The following PEAK1 variants were observed in gnomAD, a reference collection of about 807,000 sequenced individuals.
PEAK1 encodes the protein pseudopodium enriched atypical kinase 1, also known as inactive tyrosine-protein kinase PEAK1.
PEAK1 carries 54 observed loss-of-function variants against 124.7 expected under a neutral mutation model. The observed-to-expected ratio is 0.43, with a 90% CI of 0.35 to 0.54. The LOEUF is 0.54. Among genes scored for constraint, PEAK1 ranks in the 20% least tolerant of loss-of-function variants. PEAK1 has a pLI of 0.01. For missense variants in PEAK1, 2,046 were observed against 2,134.5 expected (o/e 0.96, Z 0.82); for synonymous variants, 719 against 760.0 (o/e 0.95, Z 0.89).
At chr15:77,399,639 T>C (rs1205499286) in intron 1 of PEAK1, among the ~76,000 whole-genome samples, 1 of 152,124 alleles carries the variant, frequency 6.6e-6, no homozygotes, top group Non-Finnish European at 1.5e-5. Flanking sequence ...GACCCCTATC[T>C]CTCACCATAC....
intron 2 of PEAK1, chr15:77,351,024 C>CA: frequency 3.4e-6 from 3 of 871,978 alleles, no homozygotes; most frequent in Non-Finnish European, 4.1e-6. Flanking sequence ...AGAGAAATAC[C>CA]ATGCTGAATC....
At chr15:77,218,741 C>T (rs563423391) in intron 6 of PEAK1, among the ~76,000 whole-genome samples, 5 of 152,030 alleles carry the variant, frequency 3.3e-5, no homozygotes, top group Non-Finnish European at 7.4e-5. Context: ...CACCACTGCA[C>T]TCAGGTATAT....
At chr15:77,325,357 T>C (rs2065500333) in intron 2 of PEAK1, among the ~76,000 whole-genome samples, 1 of 151,936 alleles carries the variant, frequency 6.6e-6, no homozygotes, top group Non-Finnish European at 1.5e-5. Context: ...ACAGTGAGCT[T>C]TGATCGTGCC....
intron 2 of PEAK1, chr15:77,350,096 T>C: frequency 1.0e-6 from 1 of 985,452 alleles, no homozygotes; most frequent in Non-Finnish European, 1.2e-6. Context: ...AATAAGAGCA[T>C]ACCCCCAAAT....
At chr15:77,255,293 T>C in intron 5 of PEAK1, 3 of 794,986 alleles carry the variant, frequency 3.8e-6, no homozygotes, top group Non-Finnish European at 4.6e-6. Context: ...ATAACAATTA[T>C]TTAAAATTGT....
At chr15:77,415,782 T>C (rs1295148229) in intron 1 of PEAK1, among the ~76,000 whole-genome samples, 3 of 152,148 alleles carry the variant, frequency 2.0e-5, no homozygotes, top group Admixed American at 6.5e-5. Flanking sequence ...TCCCATTCCT[T>C]ATTACCTTCA....
At chr15:77,163,766 A>C (rs2055864194) in intron 7 of PEAK1, among the ~76,000 whole-genome samples, 1 of 152,158 alleles carries the variant, frequency 6.6e-6, no homozygotes, top group African/African-American at 2.4e-5. Context: ...CTTGGGACAA[A>C]TGTTATTCTG....
In PEAK1 at chr15:77,114,104, T is replaced by C. The variant is rs2051141608; in HGVS notation, c.*52A>G. ...GTGAGCACTAGGGAGGGGAAGTGCA[T>C]GGGTGACATGAAGAAGGTGAAGATG... On this transcript the variant is annotated 3_prime_UTR_variant, in exon 10 of 10. Transcript: ENST00000682557. 6.4e-7 allele frequency: 1 copy of C among 1,566,758 alleles called. No individual in the cohort carries two copies.
At chr15:77,370,656 A>C (rs1208200757) in intron 1 of PEAK1, 3 of 972,454 alleles carry the variant, frequency 3.1e-6, no homozygotes, top group Non-Finnish European at 3.7e-6. Flanking sequence ...CACAGATTTA[A>C]TGTGCTGATC....
At chr15:77,340,446 C>T (rs571395620) in intron 2 of PEAK1, among the ~76,000 whole-genome samples, 1 of 152,172 alleles carries the variant, frequency 6.6e-6, no homozygotes, top group East Asian at 1.9e-4. Flanking sequence ...TGAGTAATTG[C>T]CAAGGGTTCA....
At chr15:77,355,630 C>T in intron 2 of PEAK1, 1 of 374,216 alleles carries the variant, frequency 2.7e-6, no homozygotes. Flanking sequence ...CCAGCTCACA[C>T]CTCTATATGG....
At chr15:77,298,341 CCCGAGTAGCTGGGA>C (rs1464828747) in intron 2 of PEAK1, among the ~76,000 whole-genome samples, 1 of 149,304 alleles carries the variant, frequency 6.7e-6, no homozygotes, top group Non-Finnish European at 1.5e-5. Context: ...GCCTCAGCCT[CCCGAGTAGCTGGGA>C]CTACAGGCGC....
intron 9 of PEAK1, among the ~76,000 whole-genome samples, chr15:77,127,204 A>G (rs1422271372): frequency 1.3e-5 from 2 of 152,210 alleles, no homozygotes; most frequent in Non-Finnish European, 2.9e-5. Flanking sequence ...GCTATCTGTA[A>G]GCCAGGAAGA....
chr15:77,405,670 C>T (rs941261366), intron 1 of PEAK1, among the ~76,000 whole-genome samples: 4 of 152,104 alleles, frequency 2.6e-5, no homozygotes, highest in African/African-American at 4.8e-5. Flanking sequence ...GATCAGCATT[C>T]GCATCTTAAT....
chr15:77,226,921 A>G (rs987577123), intron 6 of PEAK1, among the ~76,000 whole-genome samples: 20 of 152,160 alleles, frequency 1.3e-4, no homozygotes, highest in African/African-American at 4.3e-4. Context: ...ATACACTTAG[A>G]TCATGGTATG....
rs138781588 is a variant in PEAK1, at chr15:77,302,961, G to C, written c.-602-16457C>G. Among the ~76,000 whole-genome samples the C allele has an allele frequency of 2.4e-3, 372 of 152,142 alleles. 1 individual carries two copies. The highest frequency in any genetic ancestry group is 0.014 in the Middle Eastern group (4 of 294). On this transcript the variant is annotated intron_variant, in intron 2 of 9. Transcript: ENST00000682557. ...TGCTCCCAAGTCCCTGGCAACCACTGATCTTTTTACCAACTCTCTAATTTT... is the reference window on the plus strand; with the variant it reads ...TGCTCCCAAGTCCCTGGCAACCACTCATCTTTTTACCAACTCTCTAATTTT...
At chr15:77,123,141 AC>A (rs1463088619) in intron 9 of PEAK1, among the ~76,000 whole-genome samples, 1 of 152,192 alleles carries the variant, frequency 6.6e-6, no homozygotes, top group Non-Finnish European at 1.5e-5. Context: ...ATCCTTGAGA[AC>A]AAAGACTGGG....
intron 2 of PEAK1, among the ~76,000 whole-genome samples, chr15:77,288,657 A>G (rs1171476829): frequency 6.6e-6 from 1 of 152,204 alleles, no homozygotes; most frequent in Admixed American, 6.5e-5. Flanking sequence ...AAGTATTTCA[A>G]TGAGGCTGGG....
In PEAK1 at chr15:77,180,368, C is replaced by T. The variant is rs772351805; in HGVS notation, c.1559G>A (p.Ser520Asn). 5.6e-6 allele frequency: 9 copies of T among 1,613,978 alleles called. No individual in the cohort carries two copies. The highest frequency in any genetic ancestry group is 5.1e-6 in the Non-Finnish European group (6 of 1,180,020). Residue 520 changes from serine to asparagine, a missense_variant, in exon 7 of 10, where the codon AGT (serine) becomes AAT (asparagine). By Grantham distance (46) the Ser-to-Asn change is conservative. Coordinates refer to ENST00000682557, the MANE Select transcript of PEAK1 (RefSeq NM_001385026.1). ...TGCACTGGATTTTTGGAAATGGGCA[C>T]TTATTTGTCCTGGTGTCAATGAAGA... ...TSSSLTPGQI[S>N]AHFQKSSAIR...
Sources: allele counts gnomAD v4.1 joint callset (sites outside exome capture counted in the v4.1 genomes callset), GRCh38; gene constraint gnomAD v4.1.1; transcripts MANE v1.5; gene names NCBI Gene and HGNC (gene_info 2026-07-23, HGNC 2026-07-21).